The following CFAP251 variants were observed in gnomAD, a reference collection of about 807,000 sequenced individuals.
CFAP251 encodes the protein cilia- and flagella-associated protein 251.
Under a neutral mutation model 126.7 loss-of-function variants are expected in CFAP251, and 93 were observed. The ratio of observed to expected loss-of-function variants is 0.73; its 90% CI spans 0.62 to 0.87. The LOEUF is 0.87. Ranked by LOEUF, CFAP251 falls within the 40% of genes least tolerant of loss-of-function variation. The probability of loss-of-function intolerance (pLI) is 0.00; values close to 1 mark genes in which losing one functional copy is unlikely to be tolerated. For missense variants in CFAP251, 1,287 were observed against 1,389.2 expected (o/e 0.93, Z 1.17); for synonymous variants, 503 against 506.9 (o/e 0.99, Z 0.10).
At chr12:121,951,864 G>A (rs950898608) in intron 9 of CFAP251, among the ~76,000 whole-genome samples, 9 of 151,702 alleles carry the variant, frequency 5.9e-5, no homozygotes, top group East Asian at 2.0e-4. Context: ...GACTACAGGC[G>A]CCTGCCACCA....
chr12:121,948,154 C>T (rs747769328), intron 7 of CFAP251: 5 of 152,220 alleles, frequency 3.3e-5, no homozygotes, highest in South Asian at 4.2e-4. Flanking sequence ...TAAAACTTTC[C>T]GTCACTTCCA....
At position 121,957,115 on chromosome 12, in the gene CFAP251, A is replaced by T. The variant is rs201561364; in HGVS notation, c.1577A>T (p.Tyr526Phe). 157 of 1,610,070 alleles carry T rather than the reference A, an allele frequency of 9.8e-5. No homozygotes were observed. Among genetic ancestry groups the T allele is most frequent in the Non-Finnish European group, 1.3e-4 (152 of 1,178,796 alleles). The change falls in exon 11 of 22, where the codon TAT becomes TTT. Residue 526 changes from tyrosine (Y) to phenylalanine (F), a missense_variant. Physicochemically the swap from Tyr to Phe is conservative, Grantham distance 22. Coordinates refer to ENST00000288912, the MANE Select transcript of CFAP251 (RefSeq NM_144668.6). ...GACATTAAGGGGAACATTAAGTTCTATGATCACACCCTGTCTATTGTTAAC... is the reference window on the plus strand; with the variant it reads ...GACATTAAGGGGAACATTAAGTTCTTTGATCACACCCTGTCTATTGTTAAC... Reference protein sequence around the residue: ...TGDIKGNIKFYDHTLSIVNWY... With the variant: ...TGDIKGNIKFFDHTLSIVNWY...
chr12:121,961,877 G>C, intron 14 of CFAP251, 101 bp from the exon 15 acceptor site: 2 of 1,251,062 alleles, frequency 1.6e-6, no homozygotes, highest in Non-Finnish European at 2.2e-6. Context: ...AGCACTGTTG[G>C]CTGATAATTA....
At chr12:121,994,961 AT>A (rs1307247164) in intron 19 of CFAP251, among the ~76,000 whole-genome samples, 7 of 137,206 alleles carry the variant, frequency 5.1e-5, no homozygotes, top group East Asian at 2.7e-4. Flanking sequence ...CAATAAAAAA[AT>A]AAATTAAAAA....
At chr12:121,985,272 G>A (rs540235390) in intron 19 of CFAP251, among the ~76,000 whole-genome samples, 1 of 151,996 alleles carries the variant, frequency 6.6e-6, no homozygotes, top group Non-Finnish European at 1.5e-5. Flanking sequence ...GGAGGCTCAC[G>A]CCTGTAATCC....
intron 3 of CFAP251, 140 bp downstream of exon 3, chr12:121,924,130 A>T (rs1592960034): frequency 3.7e-6 from 4 of 1,073,270 alleles, no homozygotes; most frequent in Non-Finnish European, 5.1e-6. Context: ...TTTTTTTTTT[A>T]AGACAGTCTT....
chr12:121,945,711 G>A (rs1881298581), intron 7 of CFAP251, among the ~76,000 whole-genome samples: 1 of 150,842 alleles, frequency 6.6e-6, no homozygotes, highest in South Asian at 2.1e-4. Flanking sequence ...TGTCACCTAG[G>A]CTGGAGTGCA....
At chr12:121,951,377 T>G (rs111406648) in intron 8 of CFAP251, 103 bp from the exon 9 acceptor site, 25 of 710,714 alleles carry the variant, frequency 3.5e-5, no homozygotes, top group Non-Finnish European at 5.2e-5. Context: ...ACTGCAAATT[T>G]CTGACCTTGT....
In CFAP251 at chr12:121,954,636, T is replaced by TAAAA. The variant is rs1174239421; in HGVS notation, c.1535+331_1535+334dup. On this transcript the variant is annotated intron_variant, in intron 10 of 21. Transcript: ENST00000288912. ...GTGTTAGAGTGAGACCCTCCTGTCTTAAAAAAAAAAAAAAAAAAAAAAAAA... is the reference window on the plus strand; with the variant it reads ...GTGTTAGAGTGAGACCCTCCTGTCTTAAAAAAAAAAAAAAAAAAAAAAAAAAAAA... Among the ~76,000 whole-genome samples, 251 of 41,966 alleles carry TAAAA rather than the reference T, an allele frequency of 6.0e-3. 53 individuals carry two copies. The highest frequency in any genetic ancestry group is 9.9e-3 in the Admixed American group (22 of 2,224). The allele number at this position is 41,966 out of a possible 152,430, so 27.5% of individuals were successfully genotyped here.
intron 15 of CFAP251, among the ~76,000 whole-genome samples, chr12:121,964,537 T>C (rs1244888043): frequency 1.3e-5 from 2 of 152,208 alleles, no homozygotes; most frequent in Non-Finnish European, 2.9e-5. Flanking sequence ...TGATGATCAA[T>C]CTGAAATTAG....
chr12:121,932,963 C>G (rs1880749955), intron 4 of CFAP251: 2 of 152,564 alleles, frequency 1.3e-5, no homozygotes, highest in South Asian at 2.1e-4. Flanking sequence ...AGGCAGGAGT[C>G]CAGCCTCACT....
At chr12:121,925,661 C>G (rs1030726912) in intron 3 of CFAP251, among the ~76,000 whole-genome samples, 2 of 134,406 alleles carry the variant, frequency 1.5e-5, no homozygotes, top group African/African-American at 5.9e-5. Context: ...AGCCAGCAAA[C>G]ATAAATCAGG....
chr12:121,962,304 C>T (rs1881967773), intron 15 of CFAP251, 142 bp downstream of exon 15: 1 of 735,824 alleles, frequency 1.4e-6, no homozygotes, highest in Non-Finnish European at 2.2e-6. Flanking sequence ...GAGACTGAGG[C>T]ACAGATAACG....
At chr12:121,967,887 T>C in intron 16 of CFAP251, 119 bp from the exon 17 acceptor site, 2 of 908,858 alleles carry the variant, frequency 2.2e-6, no homozygotes, top group South Asian at 3.4e-5. Flanking sequence ...CACTCAGAGA[T>C]GGGTCCAGAC....
chr12:121,935,476 C>T (rs1420580263), intron 5 of CFAP251, among the ~76,000 whole-genome samples: 1 of 152,232 alleles, frequency 6.6e-6, no homozygotes, highest in East Asian at 1.9e-4. Flanking sequence ...CAGGAGACCA[C>T]ATTCGATTTA....
At position 121,999,795 on chromosome 12, in the gene CFAP251, A is replaced by G. The variant is rs201819059; in HGVS notation, c.3086A>G (p.Asp1029Gly). The change falls in exon 20 of 22, where the codon GAT (aspartate) becomes GGT (glycine). Residue 1029 changes from aspartate to glycine, a missense_variant. Transcript: ENST00000288912. ...CTAATCGACAAGATCAACTTACCAG[A>G]TTTCCTAAAAGTGTACCTTAACCAC... ...GKLIDKINLP[D>G]FLKVYLNHKP... The G allele has an allele frequency of 6.2e-7, 1 of 1,614,088 alleles. No individual in the cohort carries two copies. Among genetic ancestry groups the G allele is most frequent in the East Asian group, 2.2e-5 (1 of 44,880 alleles).
intron 8 of CFAP251, 43 bp from the exon 9 acceptor site, chr12:121,951,437 A>C: frequency 7.3e-7 from 1 of 1,367,014 alleles, no homozygotes; most frequent in Non-Finnish European, 1.0e-6. Context: ...TTCCTTTGGA[A>C]ACTGGGTCTT....
intron 1 of CFAP251, 132 bp from the exon 2 acceptor site, chr12:121,921,154 C>A: frequency 9.4e-7 from 1 of 1,059,292 alleles, no homozygotes; most frequent in Non-Finnish European, 1.3e-6. Flanking sequence ...TGGTCAGAAA[C>A]ATGACATTCT....
intron 20 of CFAP251, among the ~76,000 whole-genome samples, chr12:122,000,547 CA>C (rs36002683): frequency 1.9e-3 from 203 of 105,264 alleles, no homozygotes; most frequent in Admixed American, 4.3e-3. Flanking sequence ...GCGAGACTGT[CA>C]AAAAAAAAAA....
Sources: gnomAD v4.1 joint callset for allele counts (sites outside exome capture counted in the v4.1 genomes callset) on GRCh38, gnomAD v4.1.1 for gene constraint, MANE v1.5 for transcripts, NCBI Gene and HGNC (gene_info 2026-07-23, HGNC 2026-07-21) for gene names.